Variants in DMD observed in about 807,000 individuals in gnomAD.
DMD encodes the protein mutant dystrophin.
A neutral mutation model predicts 330.1 loss-of-function variants in DMD; 63 were observed. The ratio of observed to expected loss-of-function variants is 0.19; its 90% CI spans 0.16 to 0.24. The LOEUF (loss-of-function observed/expected upper bound fraction) is 0.24. DMD is among the 10% of genes least tolerant of loss of function. The pLI, the probability that DMD is intolerant of heterozygous loss-of-function variation, is 1.00. For missense variants in DMD, 3,344 were observed against 2,684.1 expected (o/e 1.25, Z -5.43); for synonymous variants, 1,223 against 959.8 (o/e 1.27, Z -5.07).
intron 57 of DMD, among the ~76,000 whole-genome samples, chrX:31,480,900 G>A (rs758936108): frequency 3.6e-5 from 4 of 111,400 alleles, no homozygotes; most frequent in East Asian, 2.8e-4. Flanking sequence ...ATAGACTTGC[G>A]CAATATGGGG....
intron 44 of DMD, among the ~76,000 whole-genome samples, chrX:32,011,433 G>A (rs1293896): frequency 9.0e-6 from 1 of 110,599 alleles, no homozygotes; most frequent in Non-Finnish European, 1.9e-5. Context: ...TGTCCCCCTG[G>A]GAACTACATT....
chrX:32,561,683 C>A (rs1021073865), intron 16 of DMD, among the ~76,000 whole-genome samples: 3 of 111,250 alleles, frequency 2.7e-5, no homozygotes, highest in African/African-American at 9.8e-5. Context: ...GCCAGCCCAA[C>A]ATTCAAATTC....
intron 60 of DMD, among the ~76,000 whole-genome samples, chrX:31,386,725 T>C (rs1156742330): frequency 8.9e-6 from 1 of 112,356 alleles, no homozygotes; most frequent in African/African-American, 3.2e-5. Context: ...AAAACATGAT[T>C]TAGAGTCCTG....
intron 37 of DMD, among the ~76,000 whole-genome samples, chrX:32,353,030 G>C (rs1406726831): frequency 7.2e-5 from 8 of 110,873 alleles, no homozygotes; most frequent in African/African-American, 2.6e-4. Flanking sequence ...TCAATCGGTA[G>C]TTTTAGAACT....
In DMD at chrX:32,528,985, A is replaced by C. The variant is rs111662977; in HGVS notation, c.2169-10854T>G. Among the ~76,000 whole-genome samples, 4 of 103,432 alleles carry C rather than the reference A, an allele frequency of 3.9e-5. No individual in the cohort carries two copies. In the East Asian group the frequency reaches 1.2e-3, roughly 31 times the overall value. 89.8% of individuals were successfully genotyped at this position (103,432 alleles called of 115,157 possible). A position where few individuals can be genotyped will look rare whatever the true frequency, so the allele number is the denominator to read the frequency against. The stretch of plus-strand genomic sequence containing the variant: ...TGCCCAAGCTGGAGTGCAGTGACAC[A>C]ATCTTGGCTCACTGCAACCTCCGCC... On this transcript the variant is annotated intron_variant, in intron 17 of 78. Transcript: ENST00000357033.
chrX:33,297,429 G>T (rs1439307147), intron 1 of DMD, among the ~76,000 whole-genome samples: 1 of 110,554 alleles, frequency 9.0e-6, no homozygotes, highest in Non-Finnish European at 1.9e-5. Context: ...ATAGTAGGGA[G>T]GTTTCTCAAA....
intron 60 of DMD, among the ~76,000 whole-genome samples, chrX:31,381,612 T>A (rs947943730): frequency 5.4e-5 from 6 of 111,041 alleles, no homozygotes; most frequent in Non-Finnish European, 1.1e-4. Flanking sequence ...CATGACTGTA[T>A]CTCTGATCCA....
At chrX:31,764,339 G>A (rs1882599020) in intron 51 of DMD, among the ~76,000 whole-genome samples, 1 of 111,641 alleles carries the variant, frequency 9.0e-6, no homozygotes, top group Non-Finnish European at 1.9e-5. Flanking sequence ...AGTAAGTGTG[G>A]TAAAGTGGCA....
At chrX:31,310,716 ATTTTTTT>A (rs1230035132) in intron 62 of DMD, among the ~76,000 whole-genome samples, 5 of 84,297 alleles carry the variant, frequency 5.9e-5, no homozygotes, top group Non-Finnish European at 9.2e-5. Flanking sequence ...CATGCCAAGG[ATTTTTTT>A]TTTTTTTTTT....
chrX:32,096,529 A>T (rs1314965199), intron 44 of DMD, among the ~76,000 whole-genome samples: 1 of 110,336 alleles, frequency 9.1e-6, no homozygotes, highest in South Asian at 3.9e-4. Context: ...CAAATAAATA[A>T]TTTTTTTAAA....
chrX:31,728,250 C>T (rs1463766865), intron 52 of DMD, among the ~76,000 whole-genome samples: 5 of 112,085 alleles, frequency 4.5e-5, no homozygotes, highest in Admixed American at 2.8e-4. Flanking sequence ...TGGTCTCGAT[C>T]TCCTGACCTC....
chrX:31,364,664 A>G (rs1271958734), intron 60 of DMD, among the ~76,000 whole-genome samples: 1 of 112,249 alleles, frequency 8.9e-6, no homozygotes, highest in Non-Finnish European at 1.9e-5. Flanking sequence ...CACAAAGCAC[A>G]TTGCCTTTTT....
chrX:31,137,111 C>T (rs895000781), intron 76 of DMD, among the ~76,000 whole-genome samples: 2 of 111,331 alleles, frequency 1.8e-5, no homozygotes, highest in African/African-American at 6.6e-5. Context: ...CTCTGCCTTC[C>T]GGGTTCAAGT....
intron 19 of DMD, among the ~76,000 whole-genome samples, chrX:32,496,817 TAA>T (rs1043117686): frequency 1.8e-5 from 2 of 112,395 alleles, no homozygotes; most frequent in African/African-American, 6.5e-5. Flanking sequence ...AGCATTATAC[TAA>T]GTGTCATGTG....
chrX:32,474,794 C>A (rs1011964230), intron 21 of DMD, among the ~76,000 whole-genome samples: 1 of 111,517 alleles, frequency 9.0e-6, no homozygotes, highest in African/African-American at 3.3e-5. Flanking sequence ...TTTTATCCCA[C>A]TCCATGGGTT....
chrX:31,366,491 A>AT (rs1569533378), intron 60 of DMD, among the ~76,000 whole-genome samples: 96 of 100,420 alleles, frequency 9.6e-4, no homozygotes, highest in African/African-American at 3.2e-3. Flanking sequence ...AAAAAAAAAA[A>AT]AAAAACATAA....
intron 1 of DMD, among the ~76,000 whole-genome samples, chrX:33,189,389 T>G (rs1306295834): frequency 8.9e-6 from 1 of 111,826 alleles, no homozygotes; most frequent in East Asian, 2.8e-4. Flanking sequence ...CATATTAAAG[T>G]AAATAAATTG....
intron 4 of DMD, among the ~76,000 whole-genome samples, chrX:32,829,630 A>G (rs2079006438): frequency 9.0e-6 from 1 of 111,503 alleles, no homozygotes; most frequent in Non-Finnish European, 1.9e-5. Context: ...TATTTTTACA[A>G]TTTCTTAAGA....
intron 7 of DMD, among the ~76,000 whole-genome samples, chrX:32,737,756 G>A (rs939534807): frequency 2.7e-5 from 3 of 111,797 alleles, no homozygotes; most frequent in Non-Finnish European, 3.8e-5. Flanking sequence ...AGGAACTAAT[G>A]TTAACTGTCT....
Sources: allele counts gnomAD v4.1 joint callset (sites outside exome capture counted in the v4.1 genomes callset), GRCh38; gene constraint gnomAD v4.1.1; transcripts MANE v1.5; gene names NCBI Gene and HGNC (gene_info 2026-07-23, HGNC 2026-07-21).